Variants in SMAP1 observed in about 807,000 individuals in gnomAD.
The protein encoded by SMAP1 is small ArfGAP 1.
In SMAP1, 24 loss-of-function variants were observed where a neutral mutation model predicts 58.5. The ratio of observed to expected loss-of-function variants is 0.41; its 90% CI spans 0.30 to 0.58. The LOEUF is 0.58. Among genes scored for constraint, SMAP1 ranks in the 20% least tolerant of loss-of-function variants. The pLI, the probability that SMAP1 is intolerant of heterozygous loss-of-function variation, is 0.29. For synonymous variants in SMAP1, 216 were observed against 196.6 expected, an observed-to-expected ratio of 1.10 and a Z score of -0.82; for missense variants, 563 against 566.3, an observed-to-expected ratio of 0.99 and a Z score of 0.06.
rs186155801 is a variant in SMAP1 at position 70,742,525 on chromosome 6, G to T, written c.252+10014G>T. Among the ~76,000 whole-genome samples, 12 of 152,192 alleles carry T rather than the reference G, an allele frequency of 7.9e-5. No homozygotes were observed. In the East Asian group the frequency reaches 2.3e-3, roughly 29 times the overall value. On this transcript the variant is annotated intron_variant, in intron 2 of 10. Coordinates refer to ENST00000370455, the MANE Select transcript of SMAP1 (RefSeq NM_001044305.3). ...CATCCATATCATTATCAGCATTTTG[G>T]TCAAAGCTAGTCAGCAAGTCTCTAG...
chr6:70,769,523 T>C (rs375896073), intron 3 of SMAP1, among the ~76,000 whole-genome samples: 15 of 151,332 alleles, frequency 9.9e-5, no homozygotes, highest in South Asian at 2.1e-4. Context: ...TCTTTGTCTC[T>C]TTTGATCTGT....
intron 7 of SMAP1, chr6:70,837,829 T>C (rs1368254764): frequency 2.3e-6 from 3 of 1,278,330 alleles, no homozygotes. Context: ...TTAGTTGAAG[T>C]GGAAGAGTTG....
At chr6:70,731,685 C>T (rs375713512) in intron 1 of SMAP1, among the ~76,000 whole-genome samples, 1 of 152,166 alleles carries the variant, frequency 6.6e-6, no homozygotes, top group Admixed American at 6.5e-5. Context: ...TCATCTGTGA[C>T]CTTTTTTAAT....
At chr6:70,677,813 A>G (rs965722294) in intron 1 of SMAP1, among the ~76,000 whole-genome samples, 3 of 152,178 alleles carry the variant, frequency 2.0e-5, no homozygotes, top group African/African-American at 7.2e-5. Flanking sequence ...ATCCCAAGCT[A>G]TATCACACAA....
intron 6 of SMAP1, among the ~76,000 whole-genome samples, chr6:70,827,341 G>A (rs748170434): frequency 3.9e-5 from 6 of 152,176 alleles, no homozygotes; most frequent in Non-Finnish European, 7.4e-5. Flanking sequence ...GTAAAATTCT[G>A]AAGCAAATGT....
intron 1 of SMAP1, among the ~76,000 whole-genome samples, chr6:70,698,685 G>A (rs551751780): frequency 1.3e-5 from 2 of 152,152 alleles, no homozygotes; most frequent in East Asian, 1.9e-4. Flanking sequence ...AGACTCTGAC[G>A]CATTCTTCAG....
intron 2 of SMAP1, among the ~76,000 whole-genome samples, chr6:70,747,861 A>G (rs898049361): frequency 6.6e-6 from 1 of 152,200 alleles, no homozygotes; most frequent in Non-Finnish European, 1.5e-5. Context: ...AGATAAATCA[A>G]TATCTGAGAA....
intron 1 of SMAP1, among the ~76,000 whole-genome samples, chr6:70,689,488 G>A (rs567348835): frequency 1.3e-3 from 193 of 152,290 alleles, no homozygotes; most frequent in African/African-American, 4.4e-3. Flanking sequence ...AATAAGCCTG[G>A]AAGTAAGTAA....
At position 70,668,096 on chromosome 6, in the gene SMAP1, C is replaced by T; in HGVS notation, c.73C>T (p.Leu25=). The change falls in exon 1 of 11, where the codon CTG becomes TTG. Residue 25 remains leucine, a synonymous_variant. Coordinates refer to ENST00000370455, the MANE Select transcript of SMAP1 (RefSeq NM_001044305.3). ...GCACCAGCTCATCCTATCCAAGCTT[C>T]TGAGGGAGGAGGACAACAAGTACTG... ...EQHQLILSKL[L]REEDNKYCAD... 6.2e-7 allele frequency: 1 copy of T among 1,604,876 alleles called. No individual in the cohort carries two copies. The highest frequency in any genetic ancestry group is 1.7e-5 in the Admixed American group (1 of 59,384).
intron 7 of SMAP1, among the ~76,000 whole-genome samples, chr6:70,839,410 C>T (rs1243586348): frequency 6.6e-6 from 1 of 152,150 alleles, no homozygotes; most frequent in Non-Finnish European, 1.5e-5. Context: ...GTGTGTGTTA[C>T]ATAGCAAACA....
chr6:70,788,446 G>A (rs1370039693), intron 4 of SMAP1, among the ~76,000 whole-genome samples: 2 of 151,416 alleles, frequency 1.3e-5, no homozygotes, highest in African/African-American at 4.9e-5. Context: ...AACTTAAAGT[G>A]TAATCATAAT....
rs535527905 is a variant in SMAP1, at chr6:70,716,271, T to C, written c.119-16107T>C. On this transcript the variant is annotated intron_variant, in intron 1 of 10. Transcript: ENST00000370455. ...AGCCCTGAGCTTGTTTTCCTGCAGC[T>C]ATATGGTCCCATCTGGGGGTGATGG... Among the ~76,000 whole-genome samples, 26 of 152,338 alleles carry C rather than the reference T, an allele frequency of 1.7e-4. No homozygotes were observed. In the South Asian group the frequency reaches 5.4e-3, roughly 32 times the overall value.
chr6:70,833,635 T>C (rs1050460446), intron 6 of SMAP1, among the ~76,000 whole-genome samples: 7 of 152,324 alleles, frequency 4.6e-5, no homozygotes, highest in African/African-American at 1.7e-4. Context: ...GAGCAGCATT[T>C]GTCAACCTAC....
chr6:70,681,225 C>T (rs1236995313), intron 1 of SMAP1, among the ~76,000 whole-genome samples: 1 of 151,826 alleles, frequency 6.6e-6, no homozygotes, highest in Non-Finnish European at 1.5e-5. Context: ...TCAAGGCCAG[C>T]CTTGGCAAAA....
intron 2 of SMAP1, among the ~76,000 whole-genome samples, chr6:70,749,955 A>G (rs1766208542): frequency 6.6e-6 from 1 of 152,220 alleles, no homozygotes; most frequent in African/African-American, 2.4e-5. Flanking sequence ...AAGATTTTGG[A>G]AGATTAAAAC....
intron 2 of SMAP1, among the ~76,000 whole-genome samples, chr6:70,743,938 A>G (rs1481454589): frequency 7.1e-6 from 1 of 141,212 alleles, no homozygotes; most frequent in Non-Finnish European, 1.6e-5. Flanking sequence ...GGAAAAAAGT[A>G]TATAAATTTT....
intron 1 of SMAP1, among the ~76,000 whole-genome samples, chr6:70,683,490 T>C (rs920482827): frequency 1.3e-5 from 2 of 152,106 alleles, no homozygotes; most frequent in African/African-American, 4.8e-5. Flanking sequence ...AATGTGCTCA[T>C]TGGTCATTTC....
intron 3 of SMAP1, 122 bp downstream of exon 3, chr6:70,755,187 A>C: frequency 5.2e-6 from 4 of 772,494 alleles, no homozygotes; most frequent in Non-Finnish European, 8.3e-6. Flanking sequence ...CATTAAAGAT[A>C]GAAATTGACT....
intron 7 of SMAP1, among the ~76,000 whole-genome samples, chr6:70,843,154 T>TCCCC (rs374794193): frequency 7.9e-6 from 1 of 125,942 alleles, no homozygotes; most frequent in African/African-American, 2.9e-5. Flanking sequence ...CCACACACAC[T>TCCCC]CCCCCCCCCC....
Sources: allele counts gnomAD v4.1 joint callset (sites outside exome capture counted in the v4.1 genomes callset), GRCh38; gene constraint gnomAD v4.1.1; transcripts MANE v1.5; gene names NCBI Gene and HGNC (gene_info 2026-07-23, HGNC 2026-07-21).